NELL1: variants seen among roughly 807,000 people sequenced by gnomAD.
NELL1 encodes the protein protein kinase C-binding protein NELL1.
A neutral mutation model predicts 107.4 loss-of-function variants in NELL1; 76 were observed. The ratio of observed to expected loss-of-function variants is 0.71; its 90% confidence interval spans 0.59 to 0.86. NELL1 has a LOEUF of 0.86. NELL1 is among the 40% of genes least tolerant of loss of function. The probability of loss-of-function intolerance (pLI) is 0.00; values close to 1 mark genes in which losing one functional copy is unlikely to be tolerated. For synonymous variants in NELL1, 353 were observed against 341.2 expected (o/e 1.03, Z -0.38); for missense variants, 1,024 against 1,005.5 (o/e 1.02, Z -0.25).
chr11:21,134,360 G>C (rs1429683245), intron 13 of NELL1, among the ~76,000 whole-genome samples: 1 of 152,162 alleles, frequency 6.6e-6, no homozygotes, highest in East Asian at 1.9e-4. Flanking sequence ...GTCTTCCTCA[G>C]TGGAAGGACA....
At chr11:21,090,533 G>C (rs925428574) in intron 12 of NELL1, among the ~76,000 whole-genome samples, 1 of 152,180 alleles carries the variant, frequency 6.6e-6, no homozygotes, top group Admixed American at 6.5e-5. Flanking sequence ...GCTCGGCTCT[G>C]TCACTTTGCA....
chr11:20,929,429 A>T (rs908392878), intron 9 of NELL1, among the ~76,000 whole-genome samples: 1 of 150,272 alleles, frequency 6.7e-6, no homozygotes. Flanking sequence ...GGAACTTTGT[A>T]ATCTTCCTTT....
At chr11:21,126,935 G>T (rs1324370025) in intron 13 of NELL1, among the ~76,000 whole-genome samples, 1 of 152,220 alleles carries the variant, frequency 6.6e-6, no homozygotes, top group Non-Finnish European at 1.5e-5. Flanking sequence ...TCATTAGTTT[G>T]TGAGTTGCTG....
intron 13 of NELL1, among the ~76,000 whole-genome samples, chr11:21,172,254 G>A (rs1481697457): frequency 1.3e-5 from 2 of 151,810 alleles, no homozygotes; most frequent in Non-Finnish European, 2.9e-5. Context: ...TAATTCTGCA[G>A]GACAAAACCA....
chr11:21,476,604 G>A (rs2133893407), intron 15 of NELL1, among the ~76,000 whole-genome samples: 1 of 152,178 alleles, frequency 6.6e-6, no homozygotes, highest in African/African-American at 2.4e-5. Context: ...TTGAACAAAA[G>A]GAGGAACCTT....
chr11:21,530,005 C>T (rs1855954958), intron 15 of NELL1, among the ~76,000 whole-genome samples: 3 of 152,214 alleles, frequency 2.0e-5, no homozygotes, highest in Non-Finnish European at 4.4e-5. Context: ...ATTCTATTTG[C>T]CCCCTAGACT....
chr11:21,499,536 G>C (rs1235591958), intron 15 of NELL1, among the ~76,000 whole-genome samples: 1 of 152,018 alleles, frequency 6.6e-6, no homozygotes, highest in Non-Finnish European at 1.5e-5. Context: ...CCTTTTCACA[G>C]AATTAAAATT....
intron 13 of NELL1, among the ~76,000 whole-genome samples, chr11:21,146,114 G>T (rs76462918): frequency 6.6e-6 from 1 of 152,198 alleles, no homozygotes; most frequent in African/African-American, 2.4e-5. Context: ...ATCATCAAAG[G>T]CTGTTGTGAG....
intron 14 of NELL1, among the ~76,000 whole-genome samples, chr11:21,232,159 A>AAAAAATATATATATATAT (rs1554985116): frequency 5.5e-5 from 4 of 73,194 alleles, no homozygotes; most frequent in African/African-American, 2.1e-4. Context: ...AAAAAAAAAA[A>AAAAAATATATATATATAT]ATATATATAT....
At chr11:21,233,986 A>C (rs760345501) in intron 14 of NELL1, among the ~76,000 whole-genome samples, 1 of 152,222 alleles carries the variant, frequency 6.6e-6, no homozygotes, top group African/African-American at 2.4e-5. Flanking sequence ...GGATTTCACC[A>C]TTTAGTGTTG....
intron 14 of NELL1, among the ~76,000 whole-genome samples, chr11:21,352,472 A>G (rs1226464196): frequency 6.6e-6 from 1 of 152,170 alleles, no homozygotes; most frequent in Non-Finnish European, 1.5e-5. Context: ...AGAAGCATTC[A>G]AAATGTTTGA....
chr11:21,489,777 G>A (rs1406208735), intron 15 of NELL1, among the ~76,000 whole-genome samples: 1 of 151,830 alleles, frequency 6.6e-6, no homozygotes, highest in Admixed American at 6.6e-5. Context: ...CAACATCTAG[G>A]AATAGAAGGA....
At chr11:21,504,199 A>G (rs1855223234) in intron 15 of NELL1, 2 of 152,236 alleles carry the variant, frequency 1.3e-5, no homozygotes, top group Admixed American at 1.3e-4. Flanking sequence ...TTCCGACAGA[A>G]TAATTGGAAG....
At chr11:21,513,262 G>C (rs1192985637) in intron 15 of NELL1, among the ~76,000 whole-genome samples, 1 of 152,142 alleles carries the variant, frequency 6.6e-6, no homozygotes. Context: ...AATAATACCT[G>C]AGTAAGGGGA....
intron 15 of NELL1, among the ~76,000 whole-genome samples, chr11:21,446,512 T>C (rs1455169821): frequency 6.6e-6 from 1 of 152,176 alleles, no homozygotes; most frequent in East Asian, 1.9e-4. Flanking sequence ...TCACAAGGCC[T>C]TGGGTATTAT....
chr11:21,372,179 A>G (rs755426353), intron 15 of NELL1, among the ~76,000 whole-genome samples: 4 of 152,112 alleles, frequency 2.6e-5, no homozygotes, highest in Non-Finnish European at 5.9e-5. Flanking sequence ...ATTACCACAT[A>G]GAGCTAAAGA....
chr11:20,964,160 G>A (rs1041159864), intron 12 of NELL1, among the ~76,000 whole-genome samples: 9 of 152,050 alleles, frequency 5.9e-5, no homozygotes, highest in African/African-American at 1.7e-4. Context: ...GAATCTTGTC[G>A]GCTGAGGCTT....
At chr11:21,477,500 T>C (rs532092765) in intron 15 of NELL1, among the ~76,000 whole-genome samples, 1 of 152,124 alleles carries the variant, frequency 6.6e-6, no homozygotes, top group African/African-American at 2.4e-5. Flanking sequence ...GTGCCTACCA[T>C]TGCAAATATA....
chr11:21,207,266 GTGGAT>G (rs1286999171), intron 13 of NELL1, among the ~76,000 whole-genome samples: 1 of 152,158 alleles, frequency 6.6e-6, no homozygotes, highest in Non-Finnish European at 1.5e-5. Context: ...GCTCTGTGTG[GTGGAT>G]CTTATTGCTC....
Sources: allele counts gnomAD v4.1 joint callset (sites outside exome capture counted in the v4.1 genomes callset), GRCh38; gene constraint gnomAD v4.1.1; transcripts MANE v1.5; gene names NCBI Gene and HGNC (gene_info 2026-07-23, HGNC 2026-07-21).